ACVR1C: variants seen among roughly 807,000 people sequenced by gnomAD.
ACVR1C encodes the protein activin receptor type-1C.
In ACVR1C, 23 loss-of-function variants were observed where a neutral mutation model predicts 57.9. That is an observed-to-expected ratio of 0.40 (90% CI 0.29 to 0.56). The LOEUF is 0.56. Ranked by LOEUF, ACVR1C falls within the 20% of genes least tolerant of loss-of-function variation. The probability of loss-of-function intolerance (pLI) is 0.50; values close to 1 mark genes in which losing one functional copy is unlikely to be tolerated. For synonymous variants in ACVR1C, 214 were observed against 215.3 expected, an observed-to-expected ratio of 0.99 and a Z score of 0.05; for missense variants, 480 against 607.9, an observed-to-expected ratio of 0.79 and a Z score of 2.21.
Position 157,541,011 on chromosome 2 carries a change from G to T in ACVR1C, c.1225+79C>A, listed in dbSNP as rs76224828. The T allele has an allele frequency of 2.7e-6, 4 of 1,489,414 alleles. No homozygotes were observed. In the African/African-American group the frequency reaches 5.6e-5, roughly 21 times the overall value. The allele number at this position is 1,489,414 out of a possible 1,614,324, so 92.3% of individuals were successfully genotyped here. ...GAAACTGATTGAATATAGTGCTTAGGGGAAAAAGATAGAATATCACATCTT... is the reference window on the plus strand; with the variant it reads ...GAAACTGATTGAATATAGTGCTTAGTGGAAAAAGATAGAATATCACATCTT... On this transcript the variant is annotated intron_variant, in intron 7 of 8. Coordinates refer to ENST00000243349, the MANE Select transcript of ACVR1C (RefSeq NM_145259.3).
intron 2 of ACVR1C, among the ~76,000 whole-genome samples, chr2:157,561,589 G>T (rs1052068814): frequency 2.0e-5 from 3 of 152,122 alleles, no homozygotes; most frequent in Non-Finnish European, 4.4e-5. Flanking sequence ...TGAAATAGAA[G>T]AGAGAACACA....
intron 2 of ACVR1C, among the ~76,000 whole-genome samples, chr2:157,557,514 C>T (rs1261837477): frequency 6.6e-6 from 1 of 152,116 alleles, no homozygotes; most frequent in African/African-American, 2.4e-5. Context: ...ATCATATACT[C>T]ATTTATTGAT....
At chr2:157,575,711 G>C (rs575982423) in intron 2 of ACVR1C, among the ~76,000 whole-genome samples, 1 of 152,266 alleles carries the variant, frequency 6.6e-6, no homozygotes, top group South Asian at 2.1e-4. Context: ...CACATAACCA[G>C]CTAAAAAGTC....
At chr2:157,542,949 G>A in intron 5 of ACVR1C, 87 bp from the exon 6 acceptor site, 3 of 1,356,392 alleles carry the variant, frequency 2.2e-6, no homozygotes, top group South Asian at 1.4e-5. Flanking sequence ...CTCAAAATGA[G>A]CTAATTCAAA....
intron 7 of ACVR1C, among the ~76,000 whole-genome samples, chr2:157,539,610 T>C (rs982839162): frequency 6.6e-6 from 1 of 152,224 alleles, no homozygotes; most frequent in Non-Finnish European, 1.5e-5. Context: ...GTTTGAAATC[T>C]TGCTATCTGC....
chr2:157,572,479 C>T (rs1688539382), intron 2 of ACVR1C, among the ~76,000 whole-genome samples: 1 of 151,898 alleles, frequency 6.6e-6, no homozygotes, highest in Non-Finnish European at 1.5e-5. Flanking sequence ...GAAATAATCA[C>T]ATTTTGACCT....
At chr2:157,599,380 A>G (rs893856158) in intron 1 of ACVR1C, among the ~76,000 whole-genome samples, 3 of 149,246 alleles carry the variant, frequency 2.0e-5, no homozygotes, top group African/African-American at 7.4e-5. Context: ...CACCCACTCC[A>G]AGCTACAGAG....
At chr2:157,594,594 A>G (rs1319523798) in intron 1 of ACVR1C, among the ~76,000 whole-genome samples, 1 of 152,146 alleles carries the variant, frequency 6.6e-6, no homozygotes, top group Non-Finnish European at 1.5e-5. Context: ...GTTCTTTCCA[A>G]TATCAGCATG....
chr2:157,594,853 G>A (rs896259801), intron 1 of ACVR1C, among the ~76,000 whole-genome samples: 42 of 152,206 alleles, frequency 2.8e-4, no homozygotes, highest in African/African-American at 9.6e-4. Flanking sequence ...ACAGCAATTA[G>A]AGCTTAAAAC....
Position 157,560,524 on chromosome 2 carries a change from A to C in ACVR1C, c.305-4192T>G, listed in dbSNP as rs1004685863. Among the ~76,000 whole-genome samples, 3 of 152,288 alleles carry C rather than the reference A, an allele frequency of 2.0e-5. No individual in the cohort carries two copies. The East Asian group carries it at 5.8e-4, about 29-fold the overall frequency. On this transcript the variant is annotated intron_variant, in intron 2 of 8. Transcript: ENST00000243349. ...AAGCCATACAACTGCTTAACTTTGAAACTTTCATAATTAACTGTTCTTGCC... is the reference window on the plus strand; with the variant it reads ...AAGCCATACAACTGCTTAACTTTGACACTTTCATAATTAACTGTTCTTGCC...
At chr2:157,535,778 G>C (rs982191437) in intron 8 of ACVR1C, among the ~76,000 whole-genome samples, 4 of 152,102 alleles carry the variant, frequency 2.6e-5, no homozygotes, top group African/African-American at 9.7e-5. Flanking sequence ...GCAAGATTCT[G>C]CCTCAAAAAA....
At chr2:157,579,848 C>A (rs1030073003) in intron 2 of ACVR1C, among the ~76,000 whole-genome samples, 1 of 152,004 alleles carries the variant, frequency 6.6e-6, no homozygotes, top group African/African-American at 2.4e-5. Context: ...TTATAAATGT[C>A]CTGGCTGATA....
At chr2:157,551,486 A>G (rs1178286793) in intron 3 of ACVR1C, among the ~76,000 whole-genome samples, 1 of 152,242 alleles carries the variant, frequency 6.6e-6, no homozygotes, top group Non-Finnish European at 1.5e-5. Context: ...AGCATAGTAC[A>G]TTTTATTCTT....
chr2:157,592,745 G>C (rs530207586), intron 1 of ACVR1C, among the ~76,000 whole-genome samples: 3 of 152,110 alleles, frequency 2.0e-5, no homozygotes, highest in African/African-American at 7.2e-5. Context: ...TACAATATAA[G>C]TTGCCATTAG....
At chr2:157,625,402 C>G (rs922713052) in intron 1 of ACVR1C, among the ~76,000 whole-genome samples, 3 of 152,190 alleles carry the variant, frequency 2.0e-5, no homozygotes, top group African/African-American at 7.2e-5. Flanking sequence ...CCAGAGATGT[C>G]TTCCTTGGAA....
intron 2 of ACVR1C, among the ~76,000 whole-genome samples, chr2:157,576,531 A>C (rs918149286): frequency 1.3e-5 from 2 of 152,076 alleles, no homozygotes; most frequent in Non-Finnish European, 2.9e-5. Context: ...TGCCTTAAAA[A>C]AATAAGTCTA....
At chr2:157,615,385 C>T (rs1173818259) in intron 1 of ACVR1C, among the ~76,000 whole-genome samples, 1 of 150,730 alleles carries the variant, frequency 6.6e-6, no homozygotes, top group African/African-American at 2.4e-5. Flanking sequence ...GTGGGTTTTG[C>T]CTGTTTTGAG....
Position 157,531,352 on chromosome 2 carries a change from T to TA in ACVR1C, c.*2565dup. On this transcript the variant is annotated 3_prime_UTR_variant, in exon 9 of 9. Transcript: ENST00000243349. ...TAATTGAAATATAAGACTACTCAGT[T>TA]AGGAGTCATAGTTAAACAACACAAG... The TA allele has an allele frequency of 6.6e-6, 1 of 152,142 alleles. No homozygotes were observed. The highest frequency in any genetic ancestry group is 1.5e-5 in the Non-Finnish European group (1 of 67,942). The allele number at this position is 152,142 out of a possible 1,614,324, so 9.4% of individuals were successfully genotyped here. A position where few individuals can be genotyped will look rare whatever the true frequency, so the allele number is the denominator to read the frequency against.
At chr2:157,554,297 G>A (rs1688030078) in intron 3 of ACVR1C, among the ~76,000 whole-genome samples, 3 of 115,238 alleles carry the variant, frequency 2.6e-5, no homozygotes, top group African/African-American at 1.1e-4. Flanking sequence ...GAGAGAGAGA[G>A]AAAGAAAGAA....
Sources: gnomAD v4.1 joint callset for allele counts (sites outside exome capture counted in the v4.1 genomes callset) on GRCh38, gnomAD v4.1.1 for gene constraint, MANE v1.5 for transcripts, NCBI Gene and HGNC (gene_info 2026-07-23, HGNC 2026-07-21) for gene names.